Variants in CDH4 observed in about 807,000 individuals in gnomAD.
CDH4 encodes the protein cadherin-4.
CDH4 carries 33 observed loss-of-function variants against 86.0 expected under a neutral mutation model. The observed-to-expected ratio is 0.38, with a 90% CI of 0.29 to 0.51. CDH4 has a LOEUF of 0.51. Among genes scored for constraint, CDH4 ranks in the 20% least tolerant of loss-of-function variants. The probability of loss-of-function intolerance (pLI) is 0.86; values close to 1 mark genes in which losing one functional copy is unlikely to be tolerated. For synonymous variants in CDH4, 555 were observed against 549.4 expected, an observed-to-expected ratio of 1.01 and a Z score of -0.14; for missense variants, 1,114 against 1,307.4, an observed-to-expected ratio of 0.85 and a Z score of 2.28.
At chr20:61,814,090 T>TG (rs1340243257) in intron 4 of CDH4, among the ~76,000 whole-genome samples, 1 of 152,110 alleles carries the variant, frequency 6.6e-6, no homozygotes, top group East Asian at 1.9e-4. Context: ...ATGTGCAGCG[T>TG]GGGGAGGGGC....
intron 2 of CDH4, among the ~76,000 whole-genome samples, chr20:61,574,732 C>T (rs2086369986): frequency 6.6e-6 from 1 of 152,154 alleles, no homozygotes; most frequent in Non-Finnish European, 1.5e-5. Flanking sequence ...GGGGGAGTCA[C>T]ATCTCTGCTT....
At chr20:61,455,451 G>A (rs2085401925) in intron 2 of CDH4, among the ~76,000 whole-genome samples, 2 of 152,194 alleles carry the variant, frequency 1.3e-5, no homozygotes, top group South Asian at 4.1e-4. Flanking sequence ...GCTGCACAAA[G>A]GACAGCTTCC....
At chr20:61,603,290 T>C (rs961894931) in intron 2 of CDH4, among the ~76,000 whole-genome samples, 2 of 151,960 alleles carry the variant, frequency 1.3e-5, no homozygotes, top group Non-Finnish European at 2.9e-5. Flanking sequence ...GTGAGTGTCA[T>C]GGAGAAAACA....
intron 2 of CDH4, among the ~76,000 whole-genome samples, chr20:61,565,157 C>G (rs867998030): frequency 7.0e-5 from 7 of 100,366 alleles, no homozygotes; most frequent in Admixed American, 1.1e-4. Flanking sequence ...TGGTAGTGGT[C>G]CTCTTGGTGA....
intron 2 of CDH4, among the ~76,000 whole-genome samples, chr20:61,546,839 C>T (rs1156853684): frequency 1.3e-5 from 2 of 152,090 alleles, no homozygotes; most frequent in Non-Finnish European, 2.9e-5. Context: ...CGCGGTGCCA[C>T]GGGATAATCC....
chr20:61,369,684 C>T (rs1600908438), intron 2 of CDH4, among the ~76,000 whole-genome samples: 1 of 150,722 alleles, frequency 6.6e-6, no homozygotes, highest in Admixed American at 6.6e-5. Flanking sequence ...CCTCTTCATG[C>T]AACTTTCTGT....
At chr20:61,294,230 G>A (rs930937718) in intron 2 of CDH4, among the ~76,000 whole-genome samples, 1 of 152,194 alleles carries the variant, frequency 6.6e-6, no homozygotes, top group East Asian at 1.9e-4. Flanking sequence ...CGTGACACCA[G>A]CCCTGGTTCC....
At position 61,676,235 on chromosome 20, in the gene CDH4, G is replaced by A. The variant is rs1014742335; in HGVS notation, c.170-67328G>A. 2.6e-5 allele frequency among the ~76,000 whole-genome samples: 4 copies of A among 152,192 alleles called. No individual in the cohort carries two copies. Among genetic ancestry groups the A allele is most frequent in the African/African-American group, 7.2e-5 (3 of 41,448 alleles). On this transcript the variant is annotated intron_variant, in intron 2 of 15. Transcript: ENST00000614565. The surrounding 1 kb of genome is among the most constrained non-coding windows in gnomAD (Gnocchi z 4.5). ...CCTGGTGTCAGGAACGGTCAGGAAC[G>A]GTGGGCTGTAATTGACTCAAGTCTA...
chr20:61,707,257 G>T (rs1447699452), intron 2 of CDH4, among the ~76,000 whole-genome samples: 1 of 152,242 alleles, frequency 6.6e-6, no homozygotes, highest in Non-Finnish European at 1.5e-5. Context: ...GCCTGGCATG[G>T]TCCTATGCAT....
intron 2 of CDH4, among the ~76,000 whole-genome samples, chr20:61,702,695 G>A (rs768641578): frequency 6.6e-5 from 10 of 152,202 alleles, no homozygotes; most frequent in Non-Finnish European, 1.0e-4. Context: ...TACTTGAGCT[G>A]CAGATTCAAA....
At chr20:61,805,353 GC>G (rs1375566720) in intron 4 of CDH4, among the ~76,000 whole-genome samples, 1 of 152,228 alleles carries the variant, frequency 6.6e-6, no homozygotes, top group African/African-American at 2.4e-5. Flanking sequence ...CTGAGAAGTG[GC>G]CAGGATGGCC....
At chr20:61,924,233 C>G in intron 10 of CDH4, 101 bp from the exon 11 acceptor site, 1 of 1,196,714 alleles carries the variant, frequency 8.4e-7, no homozygotes, top group Non-Finnish European at 1.2e-6. Context: ...GAGACACTGG[C>G]CCAGGCCCAG....
At chr20:61,640,961 G>A (rs528591095) in intron 2 of CDH4, among the ~76,000 whole-genome samples, 7 of 152,208 alleles carry the variant, frequency 4.6e-5, no homozygotes, top group Non-Finnish European at 8.8e-5. Context: ...CTGTGGGAAC[G>A]CCCAGCCTGC....
chr20:61,499,402 G>A (rs947811095), intron 2 of CDH4: 2 of 1,243,568 alleles, frequency 1.6e-6, no homozygotes, highest in East Asian at 5.6e-5. Context: ...CGGGACTGGG[G>A]TGCAGGTGTG....
intron 3 of CDH4, among the ~76,000 whole-genome samples, chr20:61,772,277 C>T (rs550300151): frequency 2.6e-5 from 4 of 151,968 alleles, no homozygotes; most frequent in East Asian, 1.9e-4. Context: ...CGTCAGCCTC[C>T]GCCCACTGAC....
At chr20:61,863,778 C>T (rs752734516) in intron 6 of CDH4, among the ~76,000 whole-genome samples, 77 of 152,198 alleles carry the variant, frequency 5.1e-4, no homozygotes, top group Admixed American at 9.2e-4. Flanking sequence ...AGCGAGGGTG[C>T]AGAGCCATGA....
chr20:61,568,066 T>C (rs2086313531), intron 2 of CDH4, among the ~76,000 whole-genome samples: 1 of 152,332 alleles, frequency 6.6e-6, no homozygotes, highest in African/African-American at 2.4e-5. Flanking sequence ...ATTACTTTTT[T>C]ATGGAAACCT....
At chr20:61,870,336 C>T (rs190909427) in intron 6 of CDH4, among the ~76,000 whole-genome samples, 2,630 of 152,304 alleles carry the variant, frequency 0.017, 82 homozygotes, top group African/African-American at 0.056. Flanking sequence ...CCAGGAATGG[C>T]GGTAGGGGCT....
At chr20:61,472,008 G>A (rs2085506626) in intron 2 of CDH4, among the ~76,000 whole-genome samples, 1 of 152,102 alleles carries the variant, frequency 6.6e-6, no homozygotes, top group Non-Finnish European at 1.5e-5. Context: ...TGTAAATATC[G>A]ATTAGGTCCA....
Sources: gnomAD v4.1 joint callset for allele counts (sites outside exome capture counted in the v4.1 genomes callset) on GRCh38, gnomAD v4.1.1 for gene constraint, Gnocchi (gnomAD v3.1) non-coding constraint, MANE v1.5 for transcripts, NCBI Gene and HGNC (gene_info 2026-07-23, HGNC 2026-07-21) for gene names.